Variants in KIAA1328 observed in about 807,000 individuals in gnomAD.
KIAA1328 encodes KIAA1328.
Under a neutral mutation model 68.1 loss-of-function variants are expected in KIAA1328, and 52 were observed. That is an observed-to-expected ratio of 0.76 (90% CI 0.61 to 0.96). KIAA1328 has a LOEUF of 0.96. KIAA1328 is among the 40% of genes least tolerant of loss of function. The probability of loss-of-function intolerance (pLI) is 0.00; values close to 1 mark genes in which losing one functional copy is unlikely to be tolerated. For missense variants in KIAA1328, 641 were observed against 677.6 expected (o/e 0.95, Z 0.60); for synonymous variants, 232 against 239.4 (o/e 0.97, Z 0.28).
intron 4 of KIAA1328, among the ~76,000 whole-genome samples, chr18:36,871,753 A>G (rs1189829075): frequency 6.6e-6 from 1 of 152,014 alleles, no homozygotes; most frequent in Non-Finnish European, 1.5e-5. Context: ...TTGAAGGGCA[A>G]CCAACCAAGC....
chr18:36,958,377 C>T (rs1411999888), intron 5 of KIAA1328, among the ~76,000 whole-genome samples: 1 of 152,030 alleles, frequency 6.6e-6, no homozygotes, highest in African/African-American at 2.4e-5. Flanking sequence ...AGTAGAATTG[C>T]TGGGTCATAT....
intron 4 of KIAA1328, among the ~76,000 whole-genome samples, chr18:36,844,608 T>C (rs1556796325): frequency 6.6e-6 from 1 of 152,034 alleles, no homozygotes; most frequent in Non-Finnish European, 1.5e-5. Flanking sequence ...TAGGTTGATA[T>C]TGTTGTAATC....
chr18:37,199,934 G>A (rs1179863010), intron 9 of KIAA1328, among the ~76,000 whole-genome samples: 4 of 152,094 alleles, frequency 2.6e-5, no homozygotes, highest in Non-Finnish European at 5.9e-5. Context: ...ATGTTTTTAA[G>A]AACATTTTTA....
At chr18:37,182,972 A>G (rs1378613094) in intron 9 of KIAA1328, among the ~76,000 whole-genome samples, 1 of 152,166 alleles carries the variant, frequency 6.6e-6, no homozygotes, top group Non-Finnish European at 1.5e-5. Context: ...GCCCTGAGTG[A>G]CAGTGCCTCT....
intron 5 of KIAA1328, among the ~76,000 whole-genome samples, chr18:36,932,874 C>T (rs975223763): frequency 1.3e-5 from 2 of 152,180 alleles, no homozygotes; most frequent in African/African-American, 4.8e-5. Flanking sequence ...ACAATGTTGT[C>T]TTCATGGTAG....
At chr18:36,865,750 C>G (rs551538330) in intron 4 of KIAA1328, among the ~76,000 whole-genome samples, 1 of 152,144 alleles carries the variant, frequency 6.6e-6, no homozygotes, top group Non-Finnish European at 1.5e-5. Flanking sequence ...TCAGGATACA[C>G]TCTGTCTAAA....
At position 37,225,013 on chromosome 18, in the gene KIAA1328, C is replaced by G. The variant is rs2060621742; in HGVS notation, c.*2786C>G. ...AAACTTGTGTTTATCCAAACCTGATCCCCATGATGGGGACTTTTCTAGAGC... is the reference window on the plus strand; with the variant it reads ...AAACTTGTGTTTATCCAAACCTGATGCCCATGATGGGGACTTTTCTAGAGC... On this transcript the variant is annotated 3_prime_UTR_variant, in exon 10 of 10. Transcript: ENST00000280020. 1 of 985,324 alleles carries G rather than the reference C, an allele frequency of 1.0e-6. No homozygotes were observed. Among genetic ancestry groups the G allele is most frequent in the Non-Finnish European group, 1.2e-6 (1 of 829,958 alleles). 61.0% of individuals were successfully genotyped at this position (985,324 alleles called of 1,614,324 possible). A position where few individuals can be genotyped will look rare whatever the true frequency, so the allele number is the denominator to read the frequency against.
chr18:36,889,195 T>A (rs1426706203), intron 5 of KIAA1328, among the ~76,000 whole-genome samples: 1 of 152,226 alleles, frequency 6.6e-6, no homozygotes, highest in Non-Finnish European at 1.5e-5. Context: ...AACTTAACCA[T>A]GTAAATGAAT....
At chr18:36,985,174 C>G (rs886354179) in intron 6 of KIAA1328, among the ~76,000 whole-genome samples, 4 of 152,010 alleles carry the variant, frequency 2.6e-5, no homozygotes, top group African/African-American at 9.6e-5. Flanking sequence ...GACATGGTGG[C>G]CTTTGGTCCT....
chr18:36,952,592 G>A lies in KIAA1328; in HGVS notation c.449-6716G>A, dbSNP rs1040992190. On this transcript the variant is annotated intron_variant, in intron 5 of 9. Coordinates refer to ENST00000280020, the MANE Select transcript of KIAA1328 (RefSeq NM_020776.3). ...TATCATTACTAAGTACCAGAGTTAC[G>A]ATTTGAGCCAAGAATGTTGGACTGA... Among the ~76,000 whole-genome samples, 4 of 152,134 alleles carry A rather than the reference G, an allele frequency of 2.6e-5. No homozygotes were observed. In the South Asian group the frequency reaches 6.2e-4, roughly 24 times the overall value.
intron 6 of KIAA1328, among the ~76,000 whole-genome samples, chr18:37,043,090 T>C (rs1055187007): frequency 6.6e-6 from 1 of 151,802 alleles, no homozygotes; most frequent in Non-Finnish European, 1.5e-5. Flanking sequence ...TTCTTTGTTG[T>C]AAAAAAAAAT....
At chr18:37,117,347 A>G (rs969056640) in intron 7 of KIAA1328, among the ~76,000 whole-genome samples, 1 of 152,210 alleles carries the variant, frequency 6.6e-6, no homozygotes, top group Non-Finnish European at 1.5e-5. Context: ...TTTGTGGGAC[A>G]TGGATGAAGC....
chr18:37,117,876 T>TAA (rs58489772), intron 7 of KIAA1328, among the ~76,000 whole-genome samples: 201 of 126,592 alleles, frequency 1.6e-3, no homozygotes, highest in African/African-American at 5.3e-3. Context: ...GTAGTTGGTT[T>TAA]AAAAAAAAAA....
intron 6 of KIAA1328, among the ~76,000 whole-genome samples, chr18:37,019,501 A>G (rs1236788838): frequency 1.3e-5 from 2 of 152,264 alleles, no homozygotes; most frequent in Non-Finnish European, 2.9e-5. Flanking sequence ...GTACACCTAC[A>G]GATCCCCTGA....
chr18:36,882,779 A>C (rs2048365459), intron 4 of KIAA1328, among the ~76,000 whole-genome samples: 1 of 152,214 alleles, frequency 6.6e-6, no homozygotes, highest in South Asian at 2.1e-4. Context: ...ACATTATGGA[A>C]TATCTGACCT....
intron 4 of KIAA1328, among the ~76,000 whole-genome samples, chr18:36,870,974 G>A (rs893881244): frequency 2.0e-5 from 3 of 152,256 alleles, no homozygotes; most frequent in South Asian, 2.1e-4. Flanking sequence ...AGCTGAAATC[G>A]TCTTACCCAT....
At chr18:36,940,198 A>G (rs2050654888) in intron 5 of KIAA1328, among the ~76,000 whole-genome samples, 1 of 152,222 alleles carries the variant, frequency 6.6e-6, no homozygotes, top group Non-Finnish European at 1.5e-5. Context: ...ATTTTGTCAT[A>G]GTGGTTTAGA....
rs1333734984 is a variant in KIAA1328, at chr18:37,222,878, C to T, written c.*651C>T. The T allele has an allele frequency of 6.1e-6, 6 of 987,576 alleles. No homozygotes were observed. Among genetic ancestry groups the T allele is most frequent in the South Asian group, 4.7e-5 (1 of 21,416 alleles). 61.2% of individuals were successfully genotyped at this position (987,576 alleles called of 1,614,324 possible). ...GTGAGACCCAGCCAATCCTTGGGAG[C>T]AAGCAGCACTAAATCACATCAGGGA... On this transcript the variant is annotated 3_prime_UTR_variant, in exon 10 of 10. Transcript: ENST00000280020.
intron 7 of KIAA1328, among the ~76,000 whole-genome samples, chr18:37,116,147 T>G (rs1310263509): frequency 6.6e-6 from 1 of 151,536 alleles, no homozygotes; most frequent in Non-Finnish European, 1.5e-5. Context: ...CTTCACAGAA[T>G]TGGAAAAAAC....
Sources: gnomAD v4.1 joint callset for allele counts (sites outside exome capture counted in the v4.1 genomes callset) on GRCh38, gnomAD v4.1.1 for gene constraint, MANE v1.5 for transcripts, NCBI Gene and HGNC (gene_info 2026-07-23, HGNC 2026-07-21) for gene names.